RELN: variants seen among roughly 807,000 people sequenced by gnomAD.
The protein encoded by RELN is reelin.
A neutral mutation model predicts 427.6 loss-of-function variants in RELN; 108 were observed. That is an observed-to-expected ratio of 0.25 (90% CI 0.22 to 0.30). The LOEUF (loss-of-function observed/expected upper bound fraction) is 0.30, where lower values mean the gene tolerates loss of function less well. Ranked by LOEUF, RELN falls within the 10% of genes least tolerant of loss-of-function variation. The pLI, the probability that RELN is intolerant of heterozygous loss-of-function variation, is 1.00. For missense variants in RELN, 3,715 were observed against 4,302.8 expected, an observed-to-expected ratio of 0.86 and a Z score of 3.82; for synonymous variants, 1,524 against 1,513.4, an observed-to-expected ratio of 1.01 and a Z score of -0.16.
At chr7:103,707,981 T>C (rs113979056) in intron 8 of RELN, among the ~76,000 whole-genome samples, 1,530 of 152,066 alleles carry the variant, frequency 0.01, 22 homozygotes, top group African/African-American at 0.035. Flanking sequence ...TTCTATACAG[T>C]TGCTTCCTTT....
chr7:103,662,397 G>A (rs564694925), intron 11 of RELN, among the ~76,000 whole-genome samples: 113 of 152,132 alleles, frequency 7.4e-4, no homozygotes, highest in African/African-American at 2.7e-3. Context: ...CGGGGTGGGC[G>A]GATCACGAGG....
intron 8 of RELN, among the ~76,000 whole-genome samples, chr7:103,711,969 T>G (rs116982757): frequency 0.016 from 2,413 of 152,252 alleles, 30 homozygotes; most frequent in Non-Finnish European, 0.024. Flanking sequence ...TGCTATTCAT[T>G]TTTGACTGTG....
chr7:103,944,982 T>A (rs1033798808), intron 1 of RELN, among the ~76,000 whole-genome samples: 3 of 152,084 alleles, frequency 2.0e-5, no homozygotes, highest in African/African-American at 7.2e-5. Flanking sequence ...CCCAGGTATG[T>A]TATTAAAAAA....
chr7:103,690,665 G>C (rs1322392535), intron 10 of RELN, among the ~76,000 whole-genome samples: 3 of 152,162 alleles, frequency 2.0e-5, no homozygotes, highest in African/African-American at 7.2e-5. Context: ...TACTGAGTGA[G>C]TTTCAGGCAC....
intron 2 of RELN, among the ~76,000 whole-genome samples, chr7:103,912,885 G>T (rs1265665781): frequency 2.0e-5 from 3 of 152,032 alleles, no homozygotes; most frequent in Admixed American, 6.6e-5. Flanking sequence ...ACATGATTGA[G>T]CTGGAATTCA....
intron 1 of RELN, among the ~76,000 whole-genome samples, chr7:103,967,095 T>C (rs1005637991): frequency 5.3e-5 from 8 of 152,194 alleles, no homozygotes; most frequent in African/African-American, 1.7e-4. Context: ...ACTAACAGGA[T>C]AGGCCCTTTA....
rs66678362 is a variant in RELN at position 103,949,022 on chromosome 7, CA to C, written c.227-31838del. ...GGGTGATGGAATGAGACATTGTCTC[CA>C]AAAAAAAAAAAAAAAAAAAAAAAAC... is the stretch of plus-strand genomic sequence containing the variant. On this transcript the variant is annotated intron_variant, in intron 1 of 64. Transcript: ENST00000428762. Among the ~76,000 whole-genome samples the C allele has an allele frequency of 4.5e-3, 397 of 88,822 alleles. 2 individuals are homozygous for C. In the East Asian group the frequency reaches 0.052, roughly 12 times the overall value. The allele number at this position is 88,822 out of a possible 152,430, so 58.3% of individuals were successfully genotyped here.
intron 1 of RELN, among the ~76,000 whole-genome samples, chr7:103,920,237 G>C (rs1795582292): frequency 6.6e-6 from 1 of 152,160 alleles, no homozygotes; most frequent in Non-Finnish European, 1.5e-5. Flanking sequence ...TTATAAAGTA[G>C]ACTTGCATAA....
At chr7:103,985,785 G>A (rs746331368) in intron 1 of RELN, among the ~76,000 whole-genome samples, 1 of 152,168 alleles carries the variant, frequency 6.6e-6, no homozygotes, top group Non-Finnish European at 1.5e-5. Flanking sequence ...GAAAAGGAAC[G>A]ACCATGGGTG....
chr7:103,858,687 T>TAC (rs1794003010), intron 2 of RELN, among the ~76,000 whole-genome samples: 2 of 152,186 alleles, frequency 1.3e-5, no homozygotes, highest in Non-Finnish European at 2.9e-5. Flanking sequence ...TCCTTTACTG[T>TAC]ACATCCCTAT....
intron 3 of RELN, among the ~76,000 whole-genome samples, chr7:103,790,841 A>C (rs1234843678): frequency 2.0e-5 from 3 of 152,154 alleles, no homozygotes; most frequent in African/African-American, 7.2e-5. Flanking sequence ...GCATGCTTGT[A>C]GTCCCAGATA....
intron 6 of RELN, 135 bp downstream of exon 6, chr7:103,749,291 C>G: frequency 1.3e-6 from 1 of 746,404 alleles, no homozygotes; most frequent in Non-Finnish European, 2.4e-6. Context: ...AAGCCCAGTT[C>G]CATAGCTTAA....
rs542506854 is a variant in RELN at position 103,678,127 on chromosome 7, C to T, written c.1289+3989G>A. Reference sequence around the variant, plus strand: ...ACATTTGTGGAGTTTCTCTTTAGTACGAATATTGTGGCAATAGCAGTAAAA... The same window carrying T: ...ACATTTGTGGAGTTTCTCTTTAGTATGAATATTGTGGCAATAGCAGTAAAA... On this transcript the variant is annotated intron_variant, in intron 11 of 64. Transcript: ENST00000428762. Among the ~76,000 whole-genome samples, 9 of 151,850 alleles carry T rather than the reference C, an allele frequency of 5.9e-5. No individual in the cohort carries two copies. The South Asian group carries it at 8.4e-4, about 14-fold the overall frequency.
intron 2 of RELN, among the ~76,000 whole-genome samples, chr7:103,882,174 T>G (rs1794622435): frequency 6.6e-6 from 1 of 152,238 alleles, no homozygotes; most frequent in South Asian, 2.1e-4. Context: ...TATGTTAAAC[T>G]GCTGTTTCTG....
Position 103,572,210 on chromosome 7 carries a change from C to G in RELN, c.4562G>C (p.Cys1521Ser). The G allele has an allele frequency of 6.3e-7, 1 of 1,592,334 alleles. No individual in the cohort carries two copies. Among genetic ancestry groups the G allele is most frequent in the Non-Finnish European group, 8.6e-7 (1 of 1,160,266 alleles). ...TTCATTTCTAGTTCTTGGTTTGATG[C>G]AGGTAATGCCTGAAGTTTTGCTTCC... is the stretch of plus-strand genomic sequence containing the variant. ...QIGSKTSGIT[C>S]IKPRTRNEGL... Residue 1521 changes from cysteine to serine, a missense_variant, in exon 31 of 65, where the codon TGC becomes TCC. Physicochemically the swap from Cys to Ser is moderately radical, Grantham distance 112. This residue lies in a region of RELN where 2,208 missense variants were observed against 2,361.7 expected (regional missense o/e 0.93). Coordinates refer to ENST00000428762, the MANE Select transcript of RELN (RefSeq NM_005045.4).
intron 12 of RELN, among the ~76,000 whole-genome samples, chr7:103,658,068 CAAATACACG>C (rs1242783196): frequency 6.6e-6 from 1 of 152,020 alleles, no homozygotes; most frequent in Non-Finnish European, 1.5e-5. Context: ...GAACAATAAA[CAAATACACG>C]AATGAGTTGA....
chr7:103,739,650 G>A (rs959272258), intron 6 of RELN, among the ~76,000 whole-genome samples: 11 of 152,186 alleles, frequency 7.2e-5, no homozygotes, highest in Admixed American at 2.6e-4. Flanking sequence ...ATATTCACAT[G>A]AAGGGATTTT....
At chr7:103,934,650 G>A (rs1795940602) in intron 1 of RELN, among the ~76,000 whole-genome samples, 1 of 152,198 alleles carries the variant, frequency 6.6e-6, no homozygotes, top group Non-Finnish European at 1.5e-5. Context: ...ATCTCCTCCT[G>A]TTGCTAGGCA....
intron 4 of RELN, among the ~76,000 whole-genome samples, chr7:103,773,162 TTCTTTTTC>T (rs1791627756): frequency 2.8e-5 from 3 of 105,924 alleles, no homozygotes; most frequent in South Asian, 3.3e-4. Context: ...CTTTCTTTCT[TTCTTTTTC>T]TTTCTTTCCT....
Sources: allele counts gnomAD v4.1 joint callset (sites outside exome capture counted in the v4.1 genomes callset), GRCh38; gene constraint gnomAD v4.1.1; regional missense constraint gnomAD v4.1.1; transcripts MANE v1.5; gene names NCBI Gene and HGNC (gene_info 2026-07-23, HGNC 2026-07-21).